The following MORN3 variants were observed in gnomAD, a reference collection of about 807,000 sequenced individuals.
MORN3 encodes MORN repeat-containing protein 3.
MORN3 carries 38 observed loss-of-function variants against 34.7 expected under a neutral mutation model. The observed-to-expected ratio is 1.10, with a 90% CI of 0.85 to 1.44. The LOEUF is 1.44. MORN3 is among the 40% of genes most tolerant of loss of function. MORN3 has a pLI of 0.00. For missense variants in MORN3, 311 were observed against 321.7 expected, an observed-to-expected ratio of 0.97 and a Z score of 0.25; for synonymous variants, 109 against 115.3, an observed-to-expected ratio of 0.95 and a Z score of 0.35.
intron 1 of MORN3, among the ~76,000 whole-genome samples, chr12:121,663,464 C>T (rs1263216829): frequency 6.6e-6 from 1 of 152,186 alleles, no homozygotes; most frequent in Non-Finnish European, 1.5e-5. Flanking sequence ...TCCCAAAGTG[C>T]TGGGATTACA....
At chr12:121,669,306 C>T in intron 1 of MORN3, 33 bp downstream of exon 1, 3 of 1,609,892 alleles carry the variant, frequency 1.9e-6, no homozygotes, top group Non-Finnish European at 2.5e-6. Flanking sequence ...GCTCTGACCC[C>T]ACTCCGGCCG....
intron 1 of MORN3, among the ~76,000 whole-genome samples, chr12:121,662,475 G>GTCGGGTGCGGTGGCTCGTGTC (rs1893611601): frequency 6.6e-6 from 1 of 151,948 alleles, no homozygotes; most frequent in Non-Finnish European, 1.5e-5. Context: ...AAACAAACAG[G>GTCGGGTGCGGTGGCTCGTGTC]TCGGGTGCGG....
rs1408787873 is a variant in MORN3 at position 121,650,846 on chromosome 12, C to T, written c.*805G>A. ...ACTACGTCTTAAAAAAAAAAAATCA[C>T]CTGGGGAATTTTCTGAAAGCTCAGG... On this transcript the variant is annotated 3_prime_UTR_variant, in exon 6 of 6. Coordinates refer to ENST00000355329, the MANE Select transcript of MORN3 (RefSeq NM_173855.5). 5 of 151,958 alleles carry T rather than the reference C, an allele frequency of 3.3e-5. No homozygotes were observed. The highest frequency in any genetic ancestry group is 7.4e-5 in the Non-Finnish European group (5 of 67,988). 9.4% of individuals were successfully genotyped at this position (151,958 alleles called of 1,614,324 possible).
At chr12:121,662,296 G>C (rs920345349) in intron 1 of MORN3, among the ~76,000 whole-genome samples, 1 of 152,126 alleles carries the variant, frequency 6.6e-6, no homozygotes, top group African/African-American at 2.4e-5. Flanking sequence ...GTTAAGCCCT[G>C]TCTCTACTAA....
chr12:121,655,946 C>G lies in MORN3; in HGVS notation c.304-1513G>C, dbSNP rs570870787. Among the ~76,000 whole-genome samples the G allele has an allele frequency of 2.6e-5, 4 of 152,128 alleles. No individual in the cohort carries two copies. In the East Asian group the frequency reaches 7.7e-4, roughly 29 times the overall value. On this transcript the variant is annotated intron_variant, in intron 2 of 5. Coordinates refer to ENST00000355329, the MANE Select transcript of MORN3 (RefSeq NM_173855.5). ...CTCGGGAGGCTGAGGCAGGAGAAGG[C>G]CGTGAACCAGGAGGCGGAGCTTGCA...
At chr12:121,660,525 AT>A in intron 1 of MORN3, among the ~76,000 whole-genome samples, 1 of 150,744 alleles carries the variant, frequency 6.6e-6, no homozygotes. Context: ...TAATTTTTGT[AT>A]TTTTAGTAGA....
At chr12:121,654,158 C>A in intron 3 of MORN3, 116 bp downstream of exon 3, 1 of 792,028 alleles carries the variant, frequency 1.3e-6, no homozygotes, top group South Asian at 1.9e-5. Flanking sequence ...ACACAAGGGT[C>A]AGTGTGGGAC....
chr12:121,661,117 G>A (rs972519272), intron 1 of MORN3, among the ~76,000 whole-genome samples: 3 of 151,886 alleles, frequency 2.0e-5, no homozygotes, highest in African/African-American at 7.3e-5. Context: ...CACTACACCT[G>A]GCTAATTTTT....
At chr12:121,654,917 C>T (rs12308869) in intron 2 of MORN3, among the ~76,000 whole-genome samples, 24,946 of 151,876 alleles carry the variant, frequency 0.16, 2,374 homozygotes, top group South Asian at 0.33. Context: ...TGAAGGATCT[C>T]CCCATGCTCT....
chr12:121,665,060 G>A (rs1893700705), intron 1 of MORN3, among the ~76,000 whole-genome samples: 3 of 151,698 alleles, frequency 2.0e-5, no homozygotes, highest in African/African-American at 7.3e-5. Context: ...GATTTGCCCA[G>A]TTGGATTACG....
At chr12:121,654,507 C>A (rs1156754049) in intron 2 of MORN3, 74 bp from the exon 3 acceptor site, 7 of 1,463,874 alleles carry the variant, frequency 4.8e-6, no homozygotes, top group Non-Finnish European at 6.4e-6. Context: ...TTCCCAGGCA[C>A]CCCTAGAGCC....
chr12:121,668,921 T>C (rs1893859619), intron 1 of MORN3, among the ~76,000 whole-genome samples: 1 of 152,166 alleles, frequency 6.6e-6, no homozygotes, highest in Admixed American at 6.6e-5. Context: ...TCCTCCCTTG[T>C]GCCTGGCGCT....
chr12:121,659,341 TCC>T lies in MORN3; in HGVS notation c.151_152del (p.Gly51AsnfsTer12). The T allele has an allele frequency of 5.6e-6, 9 of 1,613,764 alleles. No individual in the cohort carries two copies. The highest frequency in any genetic ancestry group is 5.1e-6 in the Non-Finnish European group (6 of 1,179,906). Reference sequence around the variant, plus strand: ...CTCCTTTCTTCTTCCAGACCTGTGTTCCTTTCCCTGGTGACACACAGATGGGC... The same window carrying T: ...CTCCTTTCTTCTTCCAGACCTGTGTTTTTCCCTGGTGACACACAGATGGGC... Reference protein sequence around the residue: ...EWKDNVKHGKGTQVWKKKGAI... With the variant: ...EWKDNVKHGKXTQVWKKKGAI... On this transcript the variant is annotated frameshift_variant, in exon 2 of 6. Transcript: ENST00000355329. LOFTEE classifies it high-confidence loss of function.
intron 3 of MORN3, among the ~76,000 whole-genome samples, chr12:121,653,676 T>G (rs1893318942): frequency 6.6e-6 from 1 of 152,062 alleles, no homozygotes; most frequent in Non-Finnish European, 1.5e-5. Context: ...TGCAGCTACT[T>G]TTTGTATTTT....
intron 1 of MORN3, among the ~76,000 whole-genome samples, chr12:121,664,598 A>C (rs1893683718): frequency 6.6e-6 from 1 of 152,140 alleles, no homozygotes; most frequent in Non-Finnish European, 1.5e-5. Context: ...GTCTCTACTG[A>C]AGATACAAAA....
intron 3 of MORN3, 28 bp from the exon 4 acceptor site, chr12:121,653,287 G>T (rs1555325317): frequency 6.2e-7 from 1 of 1,606,388 alleles, no homozygotes; most frequent in African/African-American, 1.3e-5. Context: ...GAGGTGTGGT[G>T]CAGGGTACAC....
upstream of MORN3, among the ~76,000 whole-genome samples, chr12:121,671,819 G>T (rs1439757768): frequency 6.6e-6 from 1 of 151,548 alleles, no homozygotes; most frequent in East Asian, 1.9e-4. Flanking sequence ...AGCGGATGTT[G>T]CAGTGAGAGC....
intron 2 of MORN3, 60 bp downstream of exon 2, chr12:121,659,131 A>ACG (rs909737507): frequency 1.7e-4 from 233 of 1,406,220 alleles, no homozygotes; most frequent in Middle Eastern, 4.0e-4. Context: ...CTAAACACAC[A>ACG]CGCGCGCACA....
Position 121,666,261 on chromosome 12 carries a change from A to G in MORN3, c.145+3078T>C, listed in dbSNP as rs149535427. On this transcript the variant is annotated intron_variant, in intron 1 of 5. Transcript: ENST00000355329. ...GGCCTTGAACTCCTGGGCTCAAGCT[A>G]TCTCCCACCTCTGCCTCCCTGAGAG... Among the ~76,000 whole-genome samples the G allele has an allele frequency of 2.9e-3, 446 of 151,878 alleles. 4 individuals carry two copies. Among genetic ancestry groups the G allele is most frequent in the African/African-American group, 0.011 (436 of 41,396 alleles).
Sources: allele counts gnomAD v4.1 joint callset (sites outside exome capture counted in the v4.1 genomes callset), GRCh38; gene constraint gnomAD v4.1.1; transcripts MANE v1.5; gene names NCBI Gene and HGNC (gene_info 2026-07-23, HGNC 2026-07-21).